ABCC9: variants seen among roughly 807,000 people sequenced by gnomAD.
ABCC9 encodes the protein ATP binding cassette subfamily C member 9.
In ABCC9, 95 loss-of-function variants were observed where a neutral mutation model predicts 188.3. That is an observed-to-expected ratio of 0.50 (90% CI 0.43 to 0.60). The LOEUF is 0.60. Among genes scored for constraint, ABCC9 ranks in the 20% least tolerant of loss-of-function variants. ABCC9 has a pLI of 0.00. For synonymous variants in ABCC9, 659 were observed against 652.7 expected, an observed-to-expected ratio of 1.01 and a Z score of -0.15; for missense variants, 1,102 against 1,876.3, an observed-to-expected ratio of 0.59 and a Z score of 7.62.
chr12:21,808,778 CAAAAAAAAAAAA>C (rs34314026), intron 37 of ABCC9, among the ~76,000 whole-genome samples: 1 of 80,508 alleles, frequency 1.2e-5, no homozygotes, highest in Non-Finnish European at 2.5e-5. Flanking sequence ...GAACTTGTCT[CAAAAAAAAAAAA>C]AAAAAAAAAG....
At chr12:21,934,942 G>T (rs757021333) in intron 3 of ABCC9, among the ~76,000 whole-genome samples, 30 of 151,950 alleles carry the variant, frequency 2.0e-4, no homozygotes, top group Non-Finnish European at 3.8e-4. Flanking sequence ...ACTCCCATAG[G>T]CAAGTTCTAT....
chr12:21,879,412 C>G (rs11836595), intron 16 of ABCC9, among the ~76,000 whole-genome samples: 6,637 of 152,198 alleles, frequency 0.044, 249 homozygotes, highest in African/African-American at 0.1. Flanking sequence ...ATATCCAGAA[C>G]AGGCAAATCC....
chr12:21,801,304 A>G, intron 39 of ABCC9, 123 bp from the exon 40 acceptor site: 2 of 1,272,210 alleles, frequency 1.6e-6, no homozygotes, highest in Non-Finnish European at 2.2e-6. Flanking sequence ...GACAAGATGT[A>G]GGGATCACAG....
chr12:21,819,521 T>C (rs1942903498), intron 31 of ABCC9, among the ~76,000 whole-genome samples: 1 of 152,198 alleles, frequency 6.6e-6, no homozygotes, highest in Non-Finnish European at 1.5e-5. Flanking sequence ...GTTCAGACAC[T>C]GACCTTGCCC....
chr12:21,930,221 A>T (rs1949224777), intron 4 of ABCC9, among the ~76,000 whole-genome samples: 1 of 151,998 alleles, frequency 6.6e-6, no homozygotes, highest in Non-Finnish European at 1.5e-5. Context: ...CTTAATCCAG[A>T]TAAGTGACAG....
At position 21,908,083 on chromosome 12, in the gene ABCC9, A is replaced by G; in HGVS notation, c.1449T>C (p.Ser483=). The G allele has an allele frequency of 6.2e-7, 1 of 1,612,288 alleles. No individual in the cohort carries two copies. Among genetic ancestry groups the G allele is most frequent in the Non-Finnish European group, 8.5e-7 (1 of 1,178,776 alleles). ...IATKLAEAQK[S]TLDYSTERLK... ...TCCAAAAGATGTTACTTACAAGTGT[A>G]CTTTTCTGAGCCTCTGCCAACTTTG... Residue 483 remains serine, a synonymous_variant, in exon 11 of 40, where the codon AGT becomes AGC. Transcript: ENST00000261200.
intron 31 of ABCC9, among the ~76,000 whole-genome samples, chr12:21,824,337 A>T (rs1015686445): frequency 2.0e-5 from 3 of 152,158 alleles, no homozygotes; most frequent in Non-Finnish European, 4.4e-5. Flanking sequence ...CCCAGGGATG[A>T]TGCCGACTTG....
chr12:21,802,905 G>T lies in ABCC9; in HGVS notation c.4513-1724C>A, dbSNP rs74069166. On this transcript the variant is annotated intron_variant, in intron 39 of 39. Transcript: ENST00000261200. ...TTCAGAAAAGCCAGCAGTTATAGTT[G>T]TGACTCATGACGTGAGGGGAAAAGA... is the stretch of plus-strand genomic sequence containing the variant. 5.8e-3 allele frequency among the ~76,000 whole-genome samples: 887 copies of T among 152,202 alleles called. 12 individuals are homozygous for T. Among genetic ancestry groups the T allele is most frequent in the African/African-American group, 0.02 (832 of 41,528 alleles).
At chr12:21,872,541 G>C in intron 18 of ABCC9, 84 bp downstream of exon 18, 6 of 1,095,450 alleles carry the variant, frequency 5.5e-6, no homozygotes, top group Non-Finnish European at 8.5e-6. Context: ...GTCAGAACAT[G>C]TAAATGTATT....
chr12:21,915,126 C>G (rs929090518), intron 7 of ABCC9, among the ~76,000 whole-genome samples: 7 of 151,426 alleles, frequency 4.6e-5, no homozygotes, highest in African/African-American at 1.7e-4. Context: ...GTCTCAAACT[C>G]CTGACCTCAG....
At chr12:21,812,197 T>C in intron 35 of ABCC9, 40 bp from the exon 36 acceptor site, 1 of 1,319,850 alleles carries the variant, frequency 7.6e-7, no homozygotes, top group Non-Finnish European at 1.1e-6. Flanking sequence ...CATAGTAAAA[T>C]CACAAGTAAA....
chr12:21,885,093 T>G (rs929195718), intron 15 of ABCC9, among the ~76,000 whole-genome samples: 1 of 152,132 alleles, frequency 6.6e-6, no homozygotes, highest in Non-Finnish European at 1.5e-5. Context: ...GTTCCACAGA[T>G]GTAATATGAA....
intron 22 of ABCC9, among the ~76,000 whole-genome samples, chr12:21,857,227 T>C (rs1028419398): frequency 2.0e-5 from 3 of 152,172 alleles, no homozygotes; most frequent in African/African-American, 7.2e-5. Flanking sequence ...GGGACACTTA[T>C]ATAAACACTA....
intron 30 of ABCC9, among the ~76,000 whole-genome samples, chr12:21,836,906 G>T (rs1592029965): frequency 6.6e-6 from 1 of 152,278 alleles, no homozygotes; most frequent in East Asian, 1.9e-4. Flanking sequence ...GGACAACATG[G>T]CAGGTGTATG....
rs1398625908 is a variant in ABCC9, at chr12:21,932,997, G to A, written c.284+785C>T. 6.2e-5 allele frequency among the ~76,000 whole-genome samples: 4 copies of A among 64,342 alleles called. 1 individual carries two copies. The highest frequency in any genetic ancestry group is 1.1e-4 in the African/African-American group (2 of 17,702). 42.2% of individuals were successfully genotyped at this position (64,342 alleles called of 152,430 possible). A position where few individuals can be genotyped will look rare whatever the true frequency, so the allele number is the denominator to read the frequency against. ...GGAATCAACCTAAATGTCCATCAAT[G>A]ATAGACTGGATAAAGAAAATGTGGT... On this transcript the variant is annotated intron_variant, in intron 4 of 39. Transcript: ENST00000261200.
chr12:21,848,204 G>A lies in ABCC9; in HGVS notation c.2812C>T (p.Arg938Ter), dbSNP rs1565735122. The change falls in exon 25 of 40, where the codon CGA becomes TGA. Residue 938 changes from arginine to a stop codon, truncating the protein, a stop_gained. Transcript: ENST00000261200. LOFTEE classifies it high-confidence loss of function. ...DQTTLERKTL[R>*]RAMYSREAKA... The stretch of plus-strand genomic sequence containing the variant: ...GCTTCTCTTGAATACATGGCCCGTC[G>A]GAGAGTTTTCCTCTCTAAAGTAGTT... The A allele has an allele frequency of 3.1e-6, 5 of 1,613,512 alleles. No homozygotes were observed. Among genetic ancestry groups the A allele is most frequent in the Non-Finnish European group, 3.4e-6 (4 of 1,179,610 alleles).
At chr12:21,922,138 T>C (rs1368648016) in intron 5 of ABCC9, among the ~76,000 whole-genome samples, 1 of 152,064 alleles carries the variant, frequency 6.6e-6, no homozygotes, top group Non-Finnish European at 1.5e-5. Context: ...TTGCATTAAA[T>C]CTGTAGATTG....
chr12:21,844,085 G>A (rs1225866788), intron 28 of ABCC9, among the ~76,000 whole-genome samples: 1 of 152,144 alleles, frequency 6.6e-6, no homozygotes, highest in African/African-American at 2.4e-5. Context: ...TCTAATAAAA[G>A]TAAAGGACTT....
chr12:21,808,247 T>C (rs1369880510), intron 37 of ABCC9, among the ~76,000 whole-genome samples: 1 of 152,132 alleles, frequency 6.6e-6, no homozygotes, highest in Non-Finnish European at 1.5e-5. Flanking sequence ...ATTCTCCAAA[T>C]TCTGATTTAC....
Sources: allele counts gnomAD v4.1 joint callset (sites outside exome capture counted in the v4.1 genomes callset), GRCh38; gene constraint gnomAD v4.1.1; transcripts MANE v1.5; gene names NCBI Gene and HGNC (gene_info 2026-07-23, HGNC 2026-07-21).